Variants in NAV2 observed in about 807,000 individuals in gnomAD.
NAV2 encodes helicase, APC down-regulated 1.
A neutral mutation model predicts 223.2 loss-of-function variants in NAV2; 54 were observed. The ratio of observed to expected loss-of-function variants is 0.24; its 90% CI spans 0.19 to 0.30. NAV2 has a LOEUF of 0.30. NAV2 is among the 10% of genes least tolerant of loss of function. NAV2 has a pLI of 1.00. For synonymous variants in NAV2, 1,279 were observed against 1,239.3 expected (o/e 1.03, Z -0.67); for missense variants, 2,806 against 3,147.5 (o/e 0.89, Z 2.60).
chr11:19,547,140 C>G (rs971079312), intron 1 of NAV2, among the ~76,000 whole-genome samples: 4 of 152,224 alleles, frequency 2.6e-5, no homozygotes. Context: ...GGCAACACTG[C>G]TGCCCCAGAC....
chr11:19,497,717 A>T (rs777908396), intron 1 of NAV2, among the ~76,000 whole-genome samples: 4 of 151,696 alleles, frequency 2.6e-5, no homozygotes, highest in African/African-American at 4.8e-5. Flanking sequence ...TGAATTTGTG[A>T]CCCTAAAGCC....
Position 19,398,242 on chromosome 11 carries a change from AAGAG to A in NAV2, c.75+47224_75+47227del, listed in dbSNP as rs528931495. On this transcript the variant is annotated intron_variant, in intron 1 of 37. Transcript: ENST00000360655. ...AATGTCACATGGGGAAAGCAGGAGC[AAGAG>A]AGAGAGAGCAAGGTGCCACACAGTT... Among the ~76,000 whole-genome samples, 36 of 152,048 alleles carry A rather than the reference AAGAG, an allele frequency of 2.4e-4. No homozygotes were observed. The South Asian group carries it at 7.5e-3, about 32-fold the overall frequency.
At chr11:19,816,306 C>G (rs1242909724) in intron 1 of NAV2, among the ~76,000 whole-genome samples, 1 of 152,234 alleles carries the variant, frequency 6.6e-6, no homozygotes, top group East Asian at 1.9e-4. Flanking sequence ...TGCCTGCCTT[C>G]CAGAGTTTTT....
chr11:19,594,085 T>C (rs1224287836), intron 1 of NAV2, among the ~76,000 whole-genome samples: 1 of 151,988 alleles, frequency 6.6e-6, no homozygotes, highest in Non-Finnish European at 1.5e-5. Flanking sequence ...ACACAGCAGG[T>C]TTCCAGGGAA....
At chr11:19,475,578 GC>G (rs2042089957) in intron 1 of NAV2, among the ~76,000 whole-genome samples, 1 of 152,156 alleles carries the variant, frequency 6.6e-6, no homozygotes, top group African/African-American at 2.4e-5. Context: ...TGTTTGTGGA[GC>G]CGCTGCTGTC....
chr11:19,615,541 C>T (rs192966127), intron 1 of NAV2, among the ~76,000 whole-genome samples: 3 of 151,896 alleles, frequency 2.0e-5, no homozygotes, highest in African/African-American at 7.2e-5. Context: ...ATATAAAATG[C>T]ATTTTTAGTA....
At chr11:19,537,485 C>A (rs781164995) in intron 1 of NAV2, among the ~76,000 whole-genome samples, 7 of 152,178 alleles carry the variant, frequency 4.6e-5, no homozygotes, top group African/African-American at 1.7e-4. Context: ...CCAAGTCTAC[C>A]AAGACCCCTT....
intron 1 of NAV2, among the ~76,000 whole-genome samples, chr11:19,381,669 G>T (rs1180051256): frequency 6.6e-6 from 1 of 152,200 alleles, no homozygotes. Context: ...TGTCCTGGGA[G>T]TTGGGATTGG....
intron 1 of NAV2, among the ~76,000 whole-genome samples, chr11:19,536,519 G>C (rs1245418231): frequency 6.6e-6 from 1 of 152,176 alleles, no homozygotes; most frequent in East Asian, 1.9e-4. Flanking sequence ...TCTGCACTTT[G>C]ACAAGACTCC....
chr11:19,517,216 C>A (rs1447431303), intron 1 of NAV2, among the ~76,000 whole-genome samples: 1 of 152,104 alleles, frequency 6.6e-6, no homozygotes, highest in African/African-American at 2.4e-5. Context: ...CCAAAGTTTG[C>A]AAAAACTCAC....
At chr11:19,605,024 G>A (rs527439078) in intron 1 of NAV2, among the ~76,000 whole-genome samples, 4 of 152,232 alleles carry the variant, frequency 2.6e-5, no homozygotes, top group East Asian at 3.9e-4. Context: ...TGTCTTGGGT[G>A]TGTCTTTATC....
At chr11:19,395,311 G>T (rs1304689767) in intron 1 of NAV2, among the ~76,000 whole-genome samples, 1 of 152,252 alleles carries the variant, frequency 6.6e-6, no homozygotes, top group Admixed American at 6.5e-5. Context: ...ACCTTGGATA[G>T]CACTTGTTCC....
chr11:19,759,850 C>T lies in NAV2; in HGVS notation c.267+45888C>T, dbSNP rs1020391613. ...TGATTGCTGCTGTTGCCGTTTGAGG[C>T]GCAGGTGCAGAAGACACAGATGAGT... On this transcript the variant is annotated intron_variant, in intron 1 of 37. Coordinates refer to ENST00000349880, the MANE Select transcript of NAV2 (RefSeq NM_145117.5). 7.2e-5 allele frequency among the ~76,000 whole-genome samples: 11 copies of T among 151,848 alleles called. No individual in the cohort carries two copies. The South Asian group carries it at 8.3e-4, about 12-fold the overall frequency.
At chr11:19,999,936 A>G (rs2052374424) in intron 11 of NAV2, among the ~76,000 whole-genome samples, 2 of 152,158 alleles carry the variant, frequency 1.3e-5, no homozygotes, top group South Asian at 4.1e-4. Context: ...TAAGATACCT[A>G]AATCGGCCAG....
intron 1 of NAV2, among the ~76,000 whole-genome samples, chr11:19,355,420 G>A (rs1157083471): frequency 6.6e-6 from 1 of 152,034 alleles, no homozygotes; most frequent in African/African-American, 2.4e-5. Flanking sequence ...AAAATTTCTA[G>A]GGTTGGCTGA....
intron 3 of NAV2, among the ~76,000 whole-genome samples, chr11:19,844,870 T>C (rs1017927322): frequency 2.0e-5 from 3 of 152,058 alleles, no homozygotes; most frequent in Non-Finnish European, 4.4e-5. Flanking sequence ...TATAATTGTC[T>C]GTGATAATTA....
At chr11:19,567,608 T>C (rs981412239) in intron 1 of NAV2, among the ~76,000 whole-genome samples, 3 of 152,142 alleles carry the variant, frequency 2.0e-5, no homozygotes, top group Non-Finnish European at 4.4e-5. Context: ...TCTAAGACTC[T>C]TGGTGAGCCA....
At chr11:19,875,310 T>G (rs991947233) in intron 4 of NAV2, among the ~76,000 whole-genome samples, 1 of 152,244 alleles carries the variant, frequency 6.6e-6, no homozygotes, top group Non-Finnish European at 1.5e-5. Flanking sequence ...CTACCTTAAA[T>G]GTGCTCAGAA....
chr11:19,764,192 G>A (rs766728981), intron 1 of NAV2, among the ~76,000 whole-genome samples: 1 of 152,162 alleles, frequency 6.6e-6, no homozygotes, highest in Non-Finnish European at 1.5e-5. Flanking sequence ...AAAGTGGCCA[G>A]CCACTCTCAG....
Sources: gnomAD v4.1 joint callset for allele counts (sites outside exome capture counted in the v4.1 genomes callset) on GRCh38, gnomAD v4.1.1 for gene constraint, MANE v1.5 for transcripts, NCBI Gene and HGNC (gene_info 2026-07-23, HGNC 2026-07-21) for gene names.